The following NPAS2 variants were observed in gnomAD, a reference collection of about 807,000 sequenced individuals.
NPAS2 encodes neuronal PAS domain protein 2.
NPAS2 carries 23 observed loss-of-function variants against 107.5 expected under a neutral mutation model. The ratio of observed to expected loss-of-function variants is 0.21; its 90% CI spans 0.15 to 0.30. The LOEUF (loss-of-function observed/expected upper bound fraction) is 0.30. NPAS2 is among the 10% of genes least tolerant of loss of function. NPAS2 has a pLI of 1.00. For missense variants in NPAS2, 756 were observed against 1,043.3 expected (o/e 0.72, Z 3.79); for synonymous variants, 403 against 417.5 (o/e 0.97, Z 0.42).
At chr2:100,855,293 T>C (rs1340780562) in intron 1 of NPAS2, among the ~76,000 whole-genome samples, 1 of 152,196 alleles carries the variant, frequency 6.6e-6, no homozygotes, top group Non-Finnish European at 1.5e-5. Context: ...GGGGTTTCAG[T>C]GAGTCATTGT....
intron 1 of NPAS2, among the ~76,000 whole-genome samples, chr2:100,841,528 G>A (rs1044097851): frequency 1.3e-5 from 2 of 152,194 alleles, no homozygotes; most frequent in Non-Finnish European, 1.5e-5. Flanking sequence ...GTTAAAACAA[G>A]CATAATCCCT....
intron 1 of NPAS2, among the ~76,000 whole-genome samples, chr2:100,869,159 C>T (rs1002932872): frequency 2.0e-5 from 3 of 151,586 alleles, no homozygotes; most frequent in South Asian, 2.1e-4. Context: ...TGGTCTCAAA[C>T]TCCTGACCTC....
At chr2:100,818,860 G>C (rs1171186578), upstream of NPAS2, among the ~76,000 whole-genome samples, 1 of 152,214 alleles carries the variant, frequency 6.6e-6, no homozygotes, top group Non-Finnish European at 1.5e-5. Flanking sequence ...CCCTCTCCCG[G>C]GCTTCCACCC....
At chr2:100,861,744 G>T (rs1032307708) in intron 1 of NPAS2, among the ~76,000 whole-genome samples, 1 of 152,184 alleles carries the variant, frequency 6.6e-6, no homozygotes, top group Non-Finnish European at 1.5e-5. Context: ...ATTCTGCCTT[G>T]TTTTCCCTTT....
chr2:100,994,976 G>A (rs767238435), intron 20 of NPAS2: 20 of 166,698 alleles, frequency 1.2e-4, no homozygotes, highest in Non-Finnish European at 2.0e-4. Context: ...AGGTAGCTAC[G>A]GGATCAGGGA....
At position 100,993,439 on chromosome 2, in the gene NPAS2, C is replaced by T. The variant is rs773444775; in HGVS notation, c.2204C>T (p.Ala735Val). ...ATGCCCGTCCTGCTGATGGGGCAGG[C>T]GGTGCTCCACCCCAGCTTCCCTGCC... ...APMPVLLMGQ[A>V]VLHPSFPASQ... The change falls in exon 20 of 21, where the codon GCG becomes GTG. Residue 735 changes from alanine (A) to valine (V), a missense_variant. Physicochemically the swap from Ala to Val is moderately conservative, Grantham distance 64 (BLOSUM62 0). Coordinates refer to ENST00000335681, the MANE Select transcript of NPAS2 (RefSeq NM_002518.4). The T allele has an allele frequency of 8.7e-6, 14 of 1,613,340 alleles. No homozygotes were observed. The highest frequency in any genetic ancestry group is 4.4e-5 in the South Asian group (4 of 91,038).
intron 1 of NPAS2, among the ~76,000 whole-genome samples, chr2:100,836,170 A>G (rs891579377): frequency 2.0e-5 from 3 of 152,178 alleles, no homozygotes; most frequent in Non-Finnish European, 4.4e-5. Context: ...GCTACCGTTT[A>G]TGAAAACAGA....
At chr2:100,986,534 G>C (rs1677791949) in intron 16 of NPAS2, 1 of 152,280 alleles carries the variant, frequency 6.6e-6, no homozygotes, top group African/African-American at 2.4e-5. Context: ...CTAAGGGCCT[G>C]ATGGACTGGA....
chr2:100,965,859 C>T lies in NPAS2; in HGVS notation c.907+93C>T, dbSNP rs548960935. 2.6e-6 allele frequency: 2 copies of T among 772,760 alleles called. No individual in the cohort carries two copies. The highest frequency in any genetic ancestry group is 2.6e-5 in the East Asian group (1 of 39,114). 47.9% of individuals were successfully genotyped at this position (772,760 alleles called of 1,614,324 possible). On this transcript the variant is annotated intron_variant, in intron 10 of 20. Coordinates refer to ENST00000335681, the MANE Select transcript of NPAS2 (RefSeq NM_002518.4). This position sits in a 1 kb window ranked among gnomAD's most constrained non-coding sequence, Gnocchi z 4.3. ...CTCTGGGACTCCAGAAGCCTCTGCT[C>T]GTTACCTGGTTTCTTTTTAAGGTGA...
At chr2:100,984,573 G>A (rs915527452) in intron 16 of NPAS2, 2 of 151,666 alleles carry the variant, frequency 1.3e-5, no homozygotes, top group African/African-American at 2.4e-5. Flanking sequence ...GTTTGTTCTT[G>A]AAAATTAGAA....
At chr2:100,979,736 G>T (rs1425087577) in intron 15 of NPAS2, among the ~76,000 whole-genome samples, 2 of 151,862 alleles carry the variant, frequency 1.3e-5, no homozygotes, top group East Asian at 3.9e-4. Context: ...CGCTGTGTTG[G>T]CCAGGCTGGT....
chr2:100,853,467 C>G (rs1296402089), intron 1 of NPAS2, among the ~76,000 whole-genome samples: 4 of 152,184 alleles, frequency 2.6e-5, no homozygotes, highest in African/African-American at 9.7e-5. Flanking sequence ...TATTTGCTGT[C>G]ACGCTGGGAA....
At chr2:100,828,969 C>T (rs551097702) in intron 1 of NPAS2, among the ~76,000 whole-genome samples, 119 of 152,130 alleles carry the variant, frequency 7.8e-4, no homozygotes, top group Non-Finnish European at 1.5e-3. Context: ...AGCACTGAAT[C>T]TGTAGATTGC....
intron 2 of NPAS2, among the ~76,000 whole-genome samples, chr2:100,908,563 G>A (rs1204859991): frequency 6.6e-6 from 1 of 152,204 alleles, no homozygotes; most frequent in Non-Finnish European, 1.5e-5. Flanking sequence ...CCAAGGGGTA[G>A]AGAAAATAAG....
At chr2:100,877,578 C>T (rs923085290) in intron 1 of NPAS2, among the ~76,000 whole-genome samples, 7 of 152,202 alleles carry the variant, frequency 4.6e-5, no homozygotes, top group Admixed American at 4.6e-4. Context: ...CTCCCCTCCC[C>T]TCAGGTGGGC....
Position 100,990,870 on chromosome 2 carries a change from C to A in NPAS2, c.2109C>A (p.Val703=). 1 of 1,613,948 alleles carries A rather than the reference C, an allele frequency of 6.2e-7. No individual in the cohort carries two copies. Among genetic ancestry groups the A allele is most frequent in the South Asian group, 1.1e-5 (1 of 91,058 alleles). The part of the protein sequence containing the change: ...PSEVSRTGRQ[V]KYAQSQTVFQ... ...AAGTCAGCAGGACGGGACGGCAAGTCAAGTACGTGGACCCTGGCGGGAGGC... is the reference window on the plus strand; with the variant it reads ...AAGTCAGCAGGACGGGACGGCAAGTAAAGTACGTGGACCCTGGCGGGAGGC... Residue 703 remains valine, a splice_region_variant and synonymous_variant, in exon 19 of 21, where the codon GTC becomes GTA. Coordinates refer to ENST00000335681, the MANE Select transcript of NPAS2 (RefSeq NM_002518.4).
At chr2:100,837,276 C>G (rs1199780042) in intron 1 of NPAS2, among the ~76,000 whole-genome samples, 1 of 152,122 alleles carries the variant, frequency 6.6e-6, no homozygotes, top group African/African-American at 2.4e-5. Flanking sequence ...ATCTTATTCT[C>G]TTTCTTATAC....
intron 1 of NPAS2, among the ~76,000 whole-genome samples, chr2:100,839,842 G>T (rs1677285313): frequency 1.3e-5 from 2 of 152,078 alleles, no homozygotes; most frequent in South Asian, 4.1e-4. Context: ...GAATATTTGT[G>T]CTTCACTTTT....
chr2:100,947,055 C>T (rs1674939669), intron 5 of NPAS2, among the ~76,000 whole-genome samples: 1 of 152,116 alleles, frequency 6.6e-6, no homozygotes, highest in Non-Finnish European at 1.5e-5. Context: ...AGTTGGAAGG[C>T]TGAGGCTGGA....
Sources: gnomAD v4.1 joint callset for allele counts (sites outside exome capture counted in the v4.1 genomes callset) on GRCh38, gnomAD v4.1.1 for gene constraint, Gnocchi (gnomAD v3.1) non-coding constraint, MANE v1.5 for transcripts, NCBI Gene and HGNC (gene_info 2026-07-23, HGNC 2026-07-21) for gene names.